Variants in CNTN5 observed in about 807,000 individuals in gnomAD.
CNTN5 encodes the protein contactin-5.
Under a neutral mutation model 129.1 loss-of-function variants are expected in CNTN5, and 77 were observed. The ratio of observed to expected loss-of-function variants is 0.60; its 90% CI spans 0.50 to 0.72. CNTN5 has a LOEUF of 0.72. CNTN5 is among the 30% of genes least tolerant of loss of function. CNTN5 has a pLI of 0.00. For synonymous variants in CNTN5, 509 were observed against 465.6 expected, an observed-to-expected ratio of 1.09 and a Z score of -1.20; for missense variants, 1,478 against 1,328.8, an observed-to-expected ratio of 1.11 and a Z score of -1.75.
chr11:99,658,209 T>C (rs1284496080), intron 3 of CNTN5, among the ~76,000 whole-genome samples: 2 of 152,108 alleles, frequency 1.3e-5, no homozygotes, highest in African/African-American at 4.8e-5. Context: ...GCAAGGTAAG[T>C]GGATAACAGC....
intron 1 of CNTN5, among the ~76,000 whole-genome samples, chr11:99,153,515 C>A (rs901606417): frequency 4.0e-5 from 6 of 150,228 alleles, no homozygotes; most frequent in Non-Finnish European, 5.9e-5. Context: ...TTAAAATAAC[C>A]ATTTTGTCTT....
intron 8 of CNTN5, among the ~76,000 whole-genome samples, chr11:99,958,856 T>A (rs923641616): frequency 6.6e-6 from 1 of 152,196 alleles, no homozygotes; most frequent in Non-Finnish European, 1.5e-5. Flanking sequence ...TACTTTATAT[T>A]TGAATAGTGC....
intron 2 of CNTN5, among the ~76,000 whole-genome samples, chr11:99,335,945 A>C (rs1866203053): frequency 6.6e-6 from 1 of 152,124 alleles, no homozygotes; most frequent in Non-Finnish European, 1.5e-5. Flanking sequence ...CTGCTACTGA[A>C]GTGTAATTAA....
chr11:100,116,841 AGAG>A (rs1945855774), intron 13 of CNTN5, among the ~76,000 whole-genome samples: 1 of 152,044 alleles, frequency 6.6e-6, no homozygotes, highest in African/African-American at 2.4e-5. Context: ...CTTACTATAA[AGAG>A]AAAGCATTGG....
intron 1 of CNTN5, among the ~76,000 whole-genome samples, chr11:99,153,728 T>C (rs1168567763): frequency 6.6e-6 from 1 of 152,030 alleles, no homozygotes; most frequent in African/African-American, 2.4e-5. Context: ...TCAGGATTTT[T>C]GAGTTGCTAG....
intron 21 of CNTN5, among the ~76,000 whole-genome samples, chr11:100,318,139 G>A (rs953231077): frequency 6.6e-6 from 1 of 151,056 alleles, no homozygotes; most frequent in African/African-American, 2.4e-5. Flanking sequence ...TACTCGGTAG[G>A]CTGAGGCAGG....
chr11:99,061,984 C>A lies in CNTN5; in HGVS notation c.-210+40714C>A, dbSNP rs1230178777. Among the ~76,000 whole-genome samples the A allele has an allele frequency of 2.4e-5, 3 of 124,822 alleles. No individual in the cohort carries two copies. The South Asian group carries it at 8.3e-4, about 34-fold the overall frequency. 81.9% of individuals were successfully genotyped at this position (124,822 alleles called of 152,430 possible). A position where few individuals can be genotyped will look rare whatever the true frequency, so the allele number is the denominator to read the frequency against. On this transcript the variant is annotated intron_variant, in intron 1 of 24. Transcript: ENST00000524871. Reference sequence around the variant, plus strand: ...TCCAGTGTGGGCAACAGAGTAAGATCCTGTCTCAAAAAAAAAAAAAGTCTC... The same window carrying A: ...TCCAGTGTGGGCAACAGAGTAAGATACTGTCTCAAAAAAAAAAAAAGTCTC...
chr11:99,133,628 A>AAAAAAAAAT (rs1859065662), intron 1 of CNTN5, among the ~76,000 whole-genome samples: 1 of 70,186 alleles, frequency 1.4e-5, no homozygotes, highest in Non-Finnish European at 3.4e-5. Context: ...GAAAAAAAAA[A>AAAAAAAAAT]GACCATACAT....
At chr11:99,274,387 C>G (rs1863324806) in intron 1 of CNTN5, among the ~76,000 whole-genome samples, 1 of 151,500 alleles carries the variant, frequency 6.6e-6, no homozygotes, top group Non-Finnish European at 1.5e-5. Flanking sequence ...GAGCATTGTA[C>G]CAGTGTTCAG....
Position 100,310,124 on chromosome 11 carries a change from A to G in CNTN5, c.2730+1656A>G, listed in dbSNP as rs565091353. Among the ~76,000 whole-genome samples, 3 of 152,006 alleles carry G rather than the reference A, an allele frequency of 2.0e-5. No individual in the cohort carries two copies. The South Asian group carries it at 6.2e-4, about 32-fold the overall frequency. On this transcript the variant is annotated intron_variant, in intron 21 of 24. Transcript: ENST00000524871. ...GTAAATAATATGCACCAAAATCCCT[A>G]TCTCAAGCTCTGCTTTTGGGGACTT...
intron 1 of CNTN5, among the ~76,000 whole-genome samples, chr11:99,199,661 A>G (rs1859071853): frequency 6.6e-6 from 1 of 152,186 alleles, no homozygotes; most frequent in Non-Finnish European, 1.5e-5. Context: ...ACAAAATCCA[A>G]AAATGGCAAA....
intron 4 of CNTN5, among the ~76,000 whole-genome samples, chr11:99,833,140 A>G (rs1947198120): frequency 6.6e-6 from 1 of 152,202 alleles, no homozygotes; most frequent in Non-Finnish European, 1.5e-5. Context: ...CAGGAGTCTC[A>G]GATGGATGAT....
At chr11:100,148,582 C>A (rs551666358) in intron 13 of CNTN5, among the ~76,000 whole-genome samples, 52 of 152,250 alleles carry the variant, frequency 3.4e-4, no homozygotes, top group African/African-American at 1.2e-3. Flanking sequence ...TTGTGTGAGT[C>A]GTTTTTGCCA....
At chr11:99,754,291 A>T (rs192345929) in intron 3 of CNTN5, among the ~76,000 whole-genome samples, 18 of 152,342 alleles carry the variant, frequency 1.2e-4, no homozygotes, top group African/African-American at 4.3e-4. Flanking sequence ...TAAAAGGAAT[A>T]TACACATTTC....
chr11:99,610,610 C>G (rs372716985), intron 3 of CNTN5, among the ~76,000 whole-genome samples: 140 of 152,156 alleles, frequency 9.2e-4, no homozygotes, highest in African/African-American at 3.2e-3. Context: ...GAAAGCAAAA[C>G]GTAGTTTCAG....
chr11:99,304,611 A>C (rs913791145), intron 1 of CNTN5, among the ~76,000 whole-genome samples: 5 of 152,228 alleles, frequency 3.3e-5, no homozygotes, highest in African/African-American at 1.2e-4. Flanking sequence ...TAAAATTTTT[A>C]AACTCACACT....
chr11:99,320,510 G>T (rs532944976), intron 1 of CNTN5, among the ~76,000 whole-genome samples: 161 of 152,228 alleles, frequency 1.1e-3, no homozygotes, highest in Non-Finnish European at 1.8e-3. Flanking sequence ...GCCATGGATT[G>T]CCTAGGAAGT....
chr11:99,873,810 A>G (rs1326910713), intron 6 of CNTN5, among the ~76,000 whole-genome samples: 1 of 152,084 alleles, frequency 6.6e-6, no homozygotes. Context: ...GCTAACCTAT[A>G]TGTCTATCAA....
intron 1 of CNTN5, among the ~76,000 whole-genome samples, chr11:99,305,582 A>T (rs1177137777): frequency 6.6e-6 from 1 of 152,220 alleles, no homozygotes; most frequent in Non-Finnish European, 1.5e-5. Context: ...TCTGTAAAAT[A>T]AATGGGCAAT....
Sources: allele counts gnomAD v4.1 joint callset (sites outside exome capture counted in the v4.1 genomes callset), GRCh38; gene constraint gnomAD v4.1.1; transcripts MANE v1.5; gene names NCBI Gene and HGNC (gene_info 2026-07-23, HGNC 2026-07-21).